Variants in POLA1 observed in about 807,000 individuals in gnomAD.
POLA1 encodes the protein DNA polymerase alpha catalytic subunit.
Under a neutral mutation model 124.0 loss-of-function variants are expected in POLA1, and 15 were observed. The observed-to-expected ratio is 0.12, with a 90% CI of 0.08 to 0.19. The LOEUF is 0.19. POLA1 is among the 10% of genes least tolerant of loss of function. POLA1 has a pLI of 1.00. For synonymous variants in POLA1, 408 were observed against 389.4 expected, an observed-to-expected ratio of 1.05 and a Z score of -0.56; for missense variants, 886 against 1,103.4, an observed-to-expected ratio of 0.80 and a Z score of 2.79.
At chrX:24,739,611 T>C in intron 20 of POLA1, 61 bp downstream of exon 20, 1 of 718,665 alleles carries the variant, frequency 1.4e-6, no homozygotes, top group Non-Finnish European at 2.1e-6. Context: ...AGGACACTAC[T>C]AGTACTATCC....
intron 35 of POLA1, among the ~76,000 whole-genome samples, chrX:24,892,445 A>G (rs1465244615): frequency 9.0e-6 from 1 of 111,417 alleles, no homozygotes; most frequent in Non-Finnish European, 1.9e-5. Context: ...GAACTCTATC[A>G]TACTGGTGAT....
At chrX:24,803,772 A>G (rs1339912176) in intron 26 of POLA1, among the ~76,000 whole-genome samples, 1 of 109,567 alleles carries the variant, frequency 9.1e-6, no homozygotes, top group African/African-American at 3.3e-5. Flanking sequence ...TCTACATGTC[A>G]AAGTTGGATT....
intron 36 of POLA1, among the ~76,000 whole-genome samples, chrX:24,937,790 G>GTT (rs2047870094): frequency 8.9e-6 from 1 of 112,007 alleles, no homozygotes; most frequent in East Asian, 2.8e-4. Context: ...ACTGATCTAA[G>GTT]ACACTCTCCC....
At chrX:24,974,274 C>T (rs2048339615) in intron 36 of POLA1, among the ~76,000 whole-genome samples, 1 of 111,348 alleles carries the variant, frequency 9.0e-6, no homozygotes, top group African/African-American at 3.3e-5. Context: ...AGGGAGGCTG[C>T]TGCTGGCGTC....
At chrX:24,910,546 A>G (rs1216114333) in intron 35 of POLA1, among the ~76,000 whole-genome samples, 1 of 112,070 alleles carries the variant, frequency 8.9e-6, no homozygotes, top group Non-Finnish European at 1.9e-5. Context: ...CATTAAAAGT[A>G]GAAAATGGCA....
intron 5 of POLA1, among the ~76,000 whole-genome samples, 156 bp downstream of exon 5, chrX:24,714,825 C>CTTAGAAATTTCTAAGTGAATTT (rs1929717189): frequency 8.9e-6 from 1 of 112,566 alleles, no homozygotes; most frequent in Non-Finnish European, 1.9e-5. Context: ...AATTAAGGCA[C>CTTAGAAATTTCTAAGTGAATTT]CTCAGTGGTT....
chrX:24,952,011 C>T (rs1261598542), intron 36 of POLA1, among the ~76,000 whole-genome samples: 11 of 111,645 alleles, frequency 9.9e-5, no homozygotes, highest in Non-Finnish European at 2.1e-4. Context: ...AACTCATGCA[C>T]GAGTTAGGGG....
In POLA1 at chrX:24,907,609, T is replaced by C. The variant is rs111507422; in HGVS notation, c.4164+19487T>C. Reference sequence around the variant, plus strand: ...TTGGAAGTGTTTAAACAATTATCAGTACAAATTTCTATGTCCAGCAAAAAA... The same window carrying C: ...TTGGAAGTGTTTAAACAATTATCAGCACAAATTTCTATGTCCAGCAAAAAA... On this transcript the variant is annotated intron_variant, in intron 35 of 36. Coordinates refer to ENST00000379068, the MANE Select transcript of POLA1 (RefSeq NM_001330360.2). Among the ~76,000 whole-genome samples the C allele has an allele frequency of 7.5e-3, 838 of 112,058 alleles. 5 individuals carry two copies. Among genetic ancestry groups the C allele is most frequent in the African/African-American group, 0.025 (774 of 30,869 alleles).
intron 35 of POLA1, among the ~76,000 whole-genome samples, chrX:24,926,420 C>T (rs774311826): frequency 2.7e-5 from 3 of 111,056 alleles, no homozygotes; most frequent in East Asian, 5.7e-4. Context: ...TGCATCAAGC[C>T]GTACACCTAG....
intron 26 of POLA1, among the ~76,000 whole-genome samples, chrX:24,753,359 ATTTTAT>A (rs1452327869): frequency 9.9e-6 from 1 of 101,226 alleles, no homozygotes; most frequent in African/African-American, 3.7e-5. Flanking sequence ...ATTTTATTTT[ATTTTAT>A]TTTAAGAAAC....
intron 22 of POLA1, among the ~76,000 whole-genome samples, chrX:24,742,917 A>T (rs975441023): frequency 8.9e-6 from 1 of 112,350 alleles, no homozygotes; most frequent in South Asian, 3.6e-4. Flanking sequence ...CAAATTTTAT[A>T]TAACATGAAA....
At chrX:24,812,578 C>A in intron 28 of POLA1, 80 bp from the exon 29 acceptor site, 1 of 590,926 alleles carries the variant, frequency 1.7e-6, no homozygotes, top group East Asian at 3.4e-5. Flanking sequence ...TTTAGATTAA[C>A]TCTTGGGAAT....
intron 26 of POLA1, among the ~76,000 whole-genome samples, chrX:24,774,017 A>T (rs2045090148): frequency 9.0e-6 from 1 of 111,695 alleles, no homozygotes. Context: ...CCAGACCATT[A>T]CAAGTACATA....
Position 24,926,886 on chromosome X carries a change from C to A in POLA1, c.4165-3567C>A, listed in dbSNP as rs763543571. ...TCACTCTTTTGCCCAGGCTGGAGTG[C>A]CGTGGCGTGATCTCGGCTCACTGCA... On this transcript the variant is annotated intron_variant, in intron 35 of 36. Coordinates refer to ENST00000379068, the MANE Select transcript of POLA1 (RefSeq NM_001330360.2). Among the ~76,000 whole-genome samples the A allele has an allele frequency of 4.6e-5, 5 of 109,568 alleles. No homozygotes were observed. The East Asian group carries it at 1.4e-3, about 31-fold the overall frequency.
chrX:24,949,657 C>A (rs1238897909), intron 36 of POLA1, among the ~76,000 whole-genome samples: 1 of 105,008 alleles, frequency 9.5e-6, no homozygotes, highest in Non-Finnish European at 1.9e-5. Context: ...TAAAGTAAAT[C>A]ATATAAAAAT....
chrX:24,821,673 C>A, intron 31 of POLA1, 90 bp downstream of exon 31: 1 of 662,011 alleles, frequency 1.5e-6, no homozygotes, highest in Non-Finnish European at 2.3e-6. Context: ...AGCATTCTCC[C>A]CAATAATTGA....
At chrX:24,965,063 T>A (rs1412717124) in intron 36 of POLA1, among the ~76,000 whole-genome samples, 2 of 111,798 alleles carry the variant, frequency 1.8e-5, no homozygotes, top group Non-Finnish European at 3.8e-5. Flanking sequence ...CTATATCAGA[T>A]CACTATAGGG....
intron 1 of POLA1, among the ~76,000 whole-genome samples, chrX:24,694,616 G>A (rs1375077344): frequency 8.9e-6 from 1 of 112,224 alleles, no homozygotes; most frequent in Non-Finnish European, 1.9e-5. Flanking sequence ...CAAAAAAATG[G>A]CATCAATTTA....
chrX:24,740,915 T>G (rs767252984), intron 20 of POLA1, among the ~76,000 whole-genome samples: 9 of 111,626 alleles, frequency 8.1e-5, no homozygotes, highest in Non-Finnish European at 1.5e-4. Flanking sequence ...ACTTAATTTC[T>G]TTGTTTTTTT....
Sources: gnomAD v4.1 joint callset for allele counts (sites outside exome capture counted in the v4.1 genomes callset) on GRCh38, gnomAD v4.1.1 for gene constraint, MANE v1.5 for transcripts, NCBI Gene and HGNC (gene_info 2026-07-23, HGNC 2026-07-21) for gene names.